Variants in KLF12 observed in about 807,000 individuals in gnomAD.
KLF12 encodes Krueppel-like factor 12.
In KLF12, 9 loss-of-function variants were observed where a neutral mutation model predicts 37.8. That is an observed-to-expected ratio of 0.24 (90% CI 0.14 to 0.42). The LOEUF is 0.42. KLF12 is among the 10% of genes least tolerant of loss of function. The pLI is 1.00. For missense variants in KLF12, 411 were observed against 516.0 expected (o/e 0.80, Z 1.97); for synonymous variants, 208 against 202.1 (o/e 1.03, Z -0.25).
intron 3 of KLF12, among the ~76,000 whole-genome samples, chr13:73,867,981 A>G (rs969363778): frequency 6.7e-6 from 1 of 148,786 alleles, no homozygotes; most frequent in African/African-American, 2.5e-5. Context: ...AGATTGTGCT[A>G]TTGCACTCCA....
At chr13:73,823,822 T>G (rs1047936664) in intron 4 of KLF12, among the ~76,000 whole-genome samples, 1 of 152,136 alleles carries the variant, frequency 6.6e-6, no homozygotes, top group African/African-American at 2.4e-5. Flanking sequence ...GCTATTCTCC[T>G]GTCTCAGCCT....
At chr13:74,079,023 C>T (rs1179498210) in intron 1 of KLF12, among the ~76,000 whole-genome samples, 1 of 152,140 alleles carries the variant, frequency 6.6e-6, no homozygotes, top group Non-Finnish European at 1.5e-5. Context: ...GCCTGCATCC[C>T]AGACTTGATA....
At chr13:74,304,706 T>C in the KLF12 span, among the ~76,000 whole-genome samples, 2 of 151,932 alleles carry the variant, frequency 1.3e-5, no homozygotes, top group Non-Finnish European at 2.9e-5. Context: ...GCCCAGTTCA[T>C]TGGAGGGTAA....
At chr13:74,106,299 A>T (rs1415418949) in intron 1 of KLF12, among the ~76,000 whole-genome samples, 1 of 152,190 alleles carries the variant, frequency 6.6e-6, no homozygotes, top group African/African-American at 2.4e-5. Flanking sequence ...GATATCTTAG[A>T]CACTAAAAGT....
chr13:73,802,517 T>A (rs760120631), intron 5 of KLF12, among the ~76,000 whole-genome samples: 1 of 152,158 alleles, frequency 6.6e-6, no homozygotes, highest in African/African-American at 2.4e-5. Context: ...TGCAGATTTG[T>A]TACCTGGGTA....
the KLF12 span, among the ~76,000 whole-genome samples, chr13:74,278,791 A>G: frequency 2.6e-5 from 4 of 152,232 alleles, no homozygotes; most frequent in Non-Finnish European, 4.4e-5. Flanking sequence ...TTTGAAATGT[A>G]GCATCTATTA....
At position 73,704,940 on chromosome 13, in the gene KLF12, A is replaced by G. The variant is rs149765450; in HGVS notation, c.1028-9269T>C. On this transcript the variant is annotated intron_variant, in intron 7 of 7. Transcript: ENST00000377669. ...AAAAATAGAACATAGGAGGGTCAAC[A>G]TAAGAGTAATCTATTTTGTGAGACA... is the stretch of plus-strand genomic sequence containing the variant. Among the ~76,000 whole-genome samples the G allele has an allele frequency of 2.6e-5, 4 of 152,366 alleles. No individual in the cohort carries two copies. The East Asian group carries it at 7.7e-4, about 29-fold the overall frequency.
At chr13:73,927,608 G>T (rs1889456589) in intron 3 of KLF12, among the ~76,000 whole-genome samples, 1 of 151,898 alleles carries the variant, frequency 6.6e-6, no homozygotes, top group Non-Finnish European at 1.5e-5. Context: ...ATCGAGTCTT[G>T]CTCTGTTGCC....
chr13:73,856,838 T>C (rs890710321), intron 3 of KLF12, among the ~76,000 whole-genome samples: 3 of 151,736 alleles, frequency 2.0e-5, no homozygotes, highest in African/African-American at 7.3e-5. Context: ...AATACAACAA[T>C]TAGCTGGGTG....
the KLF12 span, among the ~76,000 whole-genome samples, chr13:74,283,484 A>G: frequency 2.0e-5 from 3 of 152,216 alleles, no homozygotes; most frequent in Non-Finnish European, 4.4e-5. Flanking sequence ...ATTCATCTAG[A>G]CAGGGTATAA....
chr13:73,804,821 G>A (rs925467618), intron 5 of KLF12, among the ~76,000 whole-genome samples: 4 of 152,278 alleles, frequency 2.6e-5, no homozygotes, highest in East Asian at 1.9e-4. Flanking sequence ...TATTTCTTTG[G>A]TAGTCTCTGA....
At chr13:74,032,136 T>A (rs1893131592) in intron 1 of KLF12, among the ~76,000 whole-genome samples, 1 of 152,106 alleles carries the variant, frequency 6.6e-6, no homozygotes, top group Admixed American at 6.6e-5. Flanking sequence ...TGGTGCACTA[T>A]AAAAATACAG....
intron 7 of KLF12, among the ~76,000 whole-genome samples, chr13:73,713,806 A>T (rs537470165): frequency 2.8e-4 from 43 of 152,220 alleles, no homozygotes; most frequent in Admixed American, 4.6e-4. Context: ...CTTGGGTAAG[A>T]GGAGTGGAGG....
the KLF12 span, chr13:74,257,738 T>A: frequency 6.6e-6 from 1 of 152,348 alleles, no homozygotes; most frequent in African/African-American, 2.4e-5. Context: ...TGAACCCAAA[T>A]TAGTTTCCAC....
At chr13:73,854,677 C>A (rs993978040) in intron 3 of KLF12, among the ~76,000 whole-genome samples, 1 of 152,182 alleles carries the variant, frequency 6.6e-6, no homozygotes, top group African/African-American at 2.4e-5. Flanking sequence ...TGCTCAAATC[C>A]GTGATATAAA....
chr13:73,959,716 G>A (rs900612189), intron 2 of KLF12, among the ~76,000 whole-genome samples: 7 of 151,774 alleles, frequency 4.6e-5, no homozygotes, highest in African/African-American at 1.5e-4. Context: ...GTTATTTCAG[G>A]CAAATATAAA....
intron 6 of KLF12, among the ~76,000 whole-genome samples, chr13:73,723,779 C>T (rs1006270081): frequency 1.3e-5 from 2 of 151,804 alleles, no homozygotes; most frequent in East Asian, 1.9e-4. Context: ...TTTATGTGAC[C>T]GACAAACATG....
intron 4 of KLF12, among the ~76,000 whole-genome samples, chr13:73,814,285 T>C (rs544618078): frequency 3.9e-5 from 6 of 152,338 alleles, no homozygotes; most frequent in Non-Finnish European, 8.8e-5. Flanking sequence ...GGTGAAATCA[T>C]GGTCATAATG....
the KLF12 span, among the ~76,000 whole-genome samples, chr13:74,155,454 C>T: frequency 2.6e-5 from 4 of 152,084 alleles, no homozygotes; most frequent in African/African-American, 7.2e-5. Flanking sequence ...CTCCACCTCC[C>T]GGGTTCAAGC....
Sources: allele counts gnomAD v4.1 joint callset (sites outside exome capture counted in the v4.1 genomes callset), GRCh38; gene constraint gnomAD v4.1.1; transcripts MANE v1.5; gene names NCBI Gene and HGNC (gene_info 2026-07-23, HGNC 2026-07-21).